Variants in FAM151B observed in about 807,000 individuals in gnomAD.
FAM151B encodes the protein family with sequence similarity 151 member B, also known as protein FAM151B.
FAM151B carries 24 observed loss-of-function variants against 31.2 expected under a neutral mutation model. That is an observed-to-expected ratio of 0.77 (90% confidence interval 0.56 to 1.08). FAM151B has a LOEUF of 1.08. Among genes scored for constraint, FAM151B ranks in the 50% least tolerant of loss-of-function variants. The probability of loss-of-function intolerance (pLI) is 0.00; values close to 1 mark genes in which losing one functional copy is unlikely to be tolerated. For missense variants in FAM151B, 293 were observed against 328.6 expected (o/e 0.89, Z 0.84); for synonymous variants, 105 against 111.4 (o/e 0.94, Z 0.36).
chr5:80,490,556 A>C (rs757477137), intron 1 of FAM151B, among the ~76,000 whole-genome samples: 1 of 152,226 alleles, frequency 6.6e-6, no homozygotes. Flanking sequence ...TTACAAAAAG[A>C]AACACTTCCC....
chr5:80,525,109 C>G (rs1165000071), intron 5 of FAM151B, among the ~76,000 whole-genome samples: 1 of 152,174 alleles, frequency 6.6e-6, no homozygotes, highest in African/African-American at 2.4e-5. Context: ...TTTAGTTACT[C>G]TGGTGTCAAG....
intron 1 of FAM151B, chr5:80,500,716 G>C (rs1743709518): frequency 4.7e-6 from 4 of 848,168 alleles, no homozygotes; most frequent in Non-Finnish European, 8.1e-6. Context: ...ACAGGCTTCA[G>C]TTAACATGCT....
chr5:80,515,716 A>G (rs1287812835), intron 3 of FAM151B, among the ~76,000 whole-genome samples: 1 of 152,330 alleles, frequency 6.6e-6, no homozygotes, highest in South Asian at 2.1e-4. Flanking sequence ...GTGAACACCT[A>G]TTACATGTCA....
rs1360085863 is a variant in FAM151B at position 80,513,648 on chromosome 5, G to A, written c.196G>A (p.Gly66Arg). The change falls in exon 3 of 6, where the codon GGA (glycine) becomes AGA (arginine). Residue 66 changes from glycine to arginine, a missense_variant. By Grantham distance (125) the Gly-to-Arg change is moderately radical. Coordinates refer to ENST00000282226, the MANE Select transcript of FAM151B (RefSeq NM_205548.3). ...GGCTGATGTCCTTCTTCCAAGTGATGGATCAGAACACAGCCAGCCAATTAT... is the reference window on the plus strand; with the variant it reads ...GGCTGATGTCCTTCTTCCAAGTGATAGATCAGAACACAGCCAGCCAATTAT... ...IEADVLLPSDGSEHSQPIMAH... is the reference protein window; with the variant it reads ...IEADVLLPSDRSEHSQPIMAH... 6.2e-7 allele frequency: 1 copy of A among 1,613,968 alleles called. No individual in the cohort carries two copies. The highest frequency in any genetic ancestry group is 1.7e-5 in the Admixed American group (1 of 59,988).
At chr5:80,513,303 C>A (rs1744265801) in intron 2 of FAM151B, among the ~76,000 whole-genome samples, 1 of 152,110 alleles carries the variant, frequency 6.6e-6, no homozygotes, top group Non-Finnish European at 1.5e-5. Context: ...ACTTATTAAG[C>A]CTTTCATTAT....
At chr5:80,512,447 G>T (rs1295431947) in intron 2 of FAM151B, among the ~76,000 whole-genome samples, 1 of 152,130 alleles carries the variant, frequency 6.6e-6, no homozygotes, top group East Asian at 1.9e-4. Flanking sequence ...GAAGTGTTCT[G>T]CCATGTTTTC....
intron 3 of FAM151B, among the ~76,000 whole-genome samples, chr5:80,519,181 AT>A (rs1415526164): frequency 1.3e-5 from 2 of 152,180 alleles, no homozygotes; most frequent in African/African-American, 2.4e-5. Flanking sequence ...CATTTTTAGA[AT>A]TGTTTATGTA....
chr5:80,533,958 T>C (rs1195018139), intron 5 of FAM151B, among the ~76,000 whole-genome samples: 1 of 152,070 alleles, frequency 6.6e-6, no homozygotes, highest in East Asian at 1.9e-4. Context: ...TCCAGAGAAT[T>C]ATTAGTGGCT....
intron 5 of FAM151B, among the ~76,000 whole-genome samples, chr5:80,529,958 G>A (rs370319706): frequency 3.9e-5 from 6 of 152,244 alleles, no homozygotes; most frequent in Admixed American, 1.3e-4. Context: ...ACCAATATCC[G>A]TGATGAACAT....
intron 2 of FAM151B, among the ~76,000 whole-genome samples, chr5:80,513,200 T>C (rs1744261486): frequency 6.6e-6 from 1 of 152,182 alleles, no homozygotes; most frequent in African/African-American, 2.4e-5. Flanking sequence ...TTAATGTAGA[T>C]TTTCAAACAT....
At chr5:80,530,304 C>T (rs1297625331) in intron 5 of FAM151B, among the ~76,000 whole-genome samples, 1 of 151,760 alleles carries the variant, frequency 6.6e-6, no homozygotes, top group East Asian at 1.9e-4. Flanking sequence ...AAACTGGAAG[C>T]ATTCCCTTTG....
chr5:80,513,409 A>G (rs888688318), intron 2 of FAM151B, among the ~76,000 whole-genome samples, 195 bp from the exon 3 acceptor site: 1 of 152,208 alleles, frequency 6.6e-6, no homozygotes, highest in Non-Finnish European at 1.5e-5. Flanking sequence ...ACTTCTTGAC[A>G]TCTGTTTGCT....
At chr5:80,490,576 C>G (rs781334851) in intron 1 of FAM151B, among the ~76,000 whole-genome samples, 11 of 152,190 alleles carry the variant, frequency 7.2e-5, no homozygotes, top group Non-Finnish European at 1.3e-4. Flanking sequence ...CCATCCCCCA[C>G]CCTTTAACAT....
intron 1 of FAM151B, among the ~76,000 whole-genome samples, chr5:80,492,994 G>C (rs949110440): frequency 2.0e-5 from 3 of 152,190 alleles, no homozygotes; most frequent in Non-Finnish European, 4.4e-5. Flanking sequence ...AAATGATTAA[G>C]CTTAGTGAGA....
At chr5:80,500,812 A>T in intron 1 of FAM151B, 1 of 1,492,936 alleles carries the variant, frequency 6.7e-7, no homozygotes. Flanking sequence ...TTATGGCAAA[A>T]TCAATAAGAA....
intron 2 of FAM151B, 129 bp from the exon 3 acceptor site, chr5:80,513,475 A>G (rs540065341): frequency 4.9e-6 from 4 of 817,870 alleles, no homozygotes; most frequent in Admixed American, 3.1e-5. Context: ...GGCATGGGAT[A>G]ATCGCTCACT....
intron 5 of FAM151B, among the ~76,000 whole-genome samples, chr5:80,538,470 CTTT>C (rs1745678734): frequency 8.1e-5 from 10 of 123,492 alleles, no homozygotes; most frequent in Admixed American, 2.6e-4. Flanking sequence ...TTCTTTCTTT[CTTT>C]CTTTCTTTCT....
chr5:80,519,575 C>A, intron 3 of FAM151B, 118 bp from the exon 4 acceptor site: 2 of 818,718 alleles, frequency 2.4e-6, no homozygotes, highest in Non-Finnish European at 3.8e-6. Context: ...TTTTATTTAA[C>A]CCAGACATTA....
intron 1 of FAM151B, among the ~76,000 whole-genome samples, chr5:80,493,930 A>T (rs1743407810): frequency 6.6e-6 from 1 of 152,074 alleles, no homozygotes; most frequent in African/African-American, 2.4e-5. Flanking sequence ...ATCCCTAATA[A>T]AAACTTGCTG....
Sources: allele counts gnomAD v4.1 joint callset (sites outside exome capture counted in the v4.1 genomes callset), GRCh38; gene constraint gnomAD v4.1.1; transcripts MANE v1.5; gene names NCBI Gene and HGNC (gene_info 2026-07-23, HGNC 2026-07-21).